Variants in LRMDA observed in about 807,000 individuals in gnomAD.
The protein encoded by LRMDA is leucine-rich melanocyte differentiation-associated protein.
Under a neutral mutation model 29.8 loss-of-function variants are expected in LRMDA, and 18 were observed. The observed-to-expected ratio is 0.60, with a 90% CI of 0.42 to 0.90. The LOEUF (loss-of-function observed/expected upper bound fraction) is 0.90. Among genes scored for constraint, LRMDA ranks in the 40% least tolerant of loss-of-function variants. The pLI is 0.00. For missense variants in LRMDA, 273 were observed against 273.9 expected, an observed-to-expected ratio of 1.00 and a Z score of 0.02; for synonymous variants, 125 against 109.4, an observed-to-expected ratio of 1.14 and a Z score of -0.89.
intron 2 of LRMDA, among the ~76,000 whole-genome samples, chr10:75,897,298 A>G (rs1462947940): frequency 6.6e-6 from 1 of 152,244 alleles, no homozygotes; most frequent in Non-Finnish European, 1.5e-5. Context: ...ATTTAATGAC[A>G]AAGTTAATTA....
chr10:76,365,083 C>CATAT (rs1564521424), intron 6 of LRMDA, among the ~76,000 whole-genome samples: 1 of 50,938 alleles, frequency 2.0e-5, no homozygotes, highest in African/African-American at 1.1e-4. Flanking sequence ...CACACACACA[C>CATAT]ACATATATAT....
rs539807967 is a variant in LRMDA at position 76,186,023 on chromosome 10, T to C, written c.516+127240T>C. Among the ~76,000 whole-genome samples, 13 of 152,264 alleles carry C rather than the reference T, an allele frequency of 8.5e-5. No individual in the cohort carries two copies. The East Asian group carries it at 9.7e-4, about 11-fold the overall frequency. ...ATCTGTTAAAAATAACTCCAGATAA[T>C]GCAACATTTGATTAAATGGAACTTA... On this transcript the variant is annotated intron_variant, in intron 5 of 6. Coordinates refer to ENST00000611255, the MANE Select transcript of LRMDA (RefSeq NM_001305581.2).
chr10:75,835,006 T>A (rs1460393487), intron 2 of LRMDA, among the ~76,000 whole-genome samples: 1 of 152,234 alleles, frequency 6.6e-6, no homozygotes, highest in Non-Finnish European at 1.5e-5. Context: ...CCACTTCTAC[T>A]GTTTTAGATA....
chr10:76,158,292 C>T (rs1850579133), intron 5 of LRMDA, among the ~76,000 whole-genome samples: 1 of 152,104 alleles, frequency 6.6e-6, no homozygotes, highest in Admixed American at 6.6e-5. Flanking sequence ...TCCTGGTAAC[C>T]TTCATTTTTG....
At chr10:76,220,207 A>G (rs2132256594) in intron 5 of LRMDA, among the ~76,000 whole-genome samples, 1 of 152,322 alleles carries the variant, frequency 6.6e-6, no homozygotes, top group East Asian at 1.9e-4. Flanking sequence ...AATTAAAAGA[A>G]CTAGAAAAGC....
At chr10:75,981,904 A>G (rs1371069366) in intron 2 of LRMDA, among the ~76,000 whole-genome samples, 1 of 151,394 alleles carries the variant, frequency 6.6e-6, no homozygotes, top group Non-Finnish European at 1.5e-5. Flanking sequence ...AAAGATAAAT[A>G]TTGGCCAGCT....
chr10:75,847,623 A>G (rs1198507011), intron 2 of LRMDA, among the ~76,000 whole-genome samples: 2 of 152,196 alleles, frequency 1.3e-5, no homozygotes, highest in Non-Finnish European at 2.9e-5. Flanking sequence ...AATCCAGAAT[A>G]TATAAAGAAC....
chr10:75,437,996 G>A (rs1056389140), intron 1 of LRMDA, among the ~76,000 whole-genome samples: 10 of 152,212 alleles, frequency 6.6e-5, no homozygotes, highest in Non-Finnish European at 1.5e-4. Flanking sequence ...GCATACCAGG[G>A]TACTGGAGGG....
intron 6 of LRMDA, among the ~76,000 whole-genome samples, chr10:76,393,033 A>G (rs1841742116): frequency 2.0e-5 from 3 of 152,176 alleles, no homozygotes; most frequent in Non-Finnish European, 4.4e-5. Context: ...TTAAGGCTAA[A>G]TAGTAGTTCA....
intron 3 of LRMDA, among the ~76,000 whole-genome samples, chr10:76,043,974 A>AG (rs1470547931): frequency 1.3e-5 from 2 of 152,326 alleles, no homozygotes; most frequent in East Asian, 3.9e-4. Flanking sequence ...TCAGTCGTGT[A>AG]GGGCCCTTGT....
At chr10:75,638,322 G>C (rs745669200) in intron 2 of LRMDA, among the ~76,000 whole-genome samples, 1 of 152,160 alleles carries the variant, frequency 6.6e-6, no homozygotes, top group Non-Finnish European at 1.5e-5. Flanking sequence ...GCTGGAGTTT[G>C]CTTCCCAGGT....
chr10:76,079,284 G>A (rs958188510), intron 5 of LRMDA, among the ~76,000 whole-genome samples: 7 of 152,132 alleles, frequency 4.6e-5, no homozygotes, highest in African/African-American at 1.7e-4. Flanking sequence ...TTCTTCAAAG[G>A]GCTTTTTAGA....
chr10:76,519,394 C>G (rs1001109801), intron 6 of LRMDA, among the ~76,000 whole-genome samples: 1 of 152,146 alleles, frequency 6.6e-6, no homozygotes, highest in East Asian at 1.9e-4. Context: ...AAACCTATAG[C>G]ATACTTTGTT....
intron 2 of LRMDA, among the ~76,000 whole-genome samples, chr10:75,828,926 G>T (rs762639641): frequency 6.6e-6 from 1 of 152,110 alleles, no homozygotes; most frequent in Non-Finnish European, 1.5e-5. Flanking sequence ...GAAACAAGGG[G>T]GTGGGAAAAG....
chr10:75,909,283 A>T (rs1199429064), intron 2 of LRMDA, among the ~76,000 whole-genome samples: 1 of 152,176 alleles, frequency 6.6e-6, no homozygotes, highest in Non-Finnish European at 1.5e-5. Flanking sequence ...TTTATATTTC[A>T]GTAGGACCTT....
intron 2 of LRMDA, among the ~76,000 whole-genome samples, chr10:75,653,753 G>C (rs1369687607): frequency 2.0e-5 from 3 of 152,252 alleles, no homozygotes; most frequent in Admixed American, 2.0e-4. Flanking sequence ...ATAACTCTAA[G>C]TATGATCTTA....
chr10:76,472,975 A>G (rs1842633137), intron 6 of LRMDA, among the ~76,000 whole-genome samples: 1 of 151,644 alleles, frequency 6.6e-6, no homozygotes, highest in African/African-American at 2.4e-5. Flanking sequence ...TTAATTCTTC[A>G]CAAAGTCTTC....
rs184489321 is a variant in LRMDA at position 75,706,354 on chromosome 10, G to T, written c.131+267860G>T. ...ATATAATCCCAGGTATAGAAATATT[G>T]GGCTGATGAGACACCATTGTTTTGC... On this transcript the variant is annotated intron_variant, in intron 2 of 6. Coordinates refer to ENST00000611255, the MANE Select transcript of LRMDA (RefSeq NM_001305581.2). 2.9e-4 allele frequency among the ~76,000 whole-genome samples: 44 copies of T among 151,782 alleles called. No homozygotes were observed. The East Asian group carries it at 4.6e-3, about 16-fold the overall frequency.
chr10:75,475,517 A>G (rs1226440581), intron 2 of LRMDA, among the ~76,000 whole-genome samples: 1 of 152,226 alleles, frequency 6.6e-6, no homozygotes, highest in African/African-American at 2.4e-5. Flanking sequence ...TCATTAGTCA[A>G]GTAAAGTAGT....
Sources: gnomAD v4.1 joint callset for allele counts (sites outside exome capture counted in the v4.1 genomes callset) on GRCh38, gnomAD v4.1.1 for gene constraint, MANE v1.5 for transcripts, NCBI Gene and HGNC (gene_info 2026-07-23, HGNC 2026-07-21) for gene names.